The following GALNT13 variants were observed in gnomAD, a reference collection of about 807,000 sequenced individuals.
GALNT13 encodes the protein polypeptide N-acetylgalactosaminyltransferase 13, also known as UDP-GalNAc:polypeptide N-acetylgalactosaminyltransferase 13.
In GALNT13, 28 loss-of-function variants were observed where a neutral mutation model predicts 64.2. The observed-to-expected ratio is 0.44, with a 90% confidence interval of 0.32 to 0.60. GALNT13 has a LOEUF of 0.60. Ranked by LOEUF, GALNT13 falls within the 20% of genes least tolerant of loss-of-function variation. The probability of loss-of-function intolerance (pLI) is 0.05; values close to 1 mark genes in which losing one functional copy is unlikely to be tolerated. For missense variants in GALNT13, 577 were observed against 669.8 expected (o/e 0.86, Z 1.53); for synonymous variants, 214 against 224.6 (o/e 0.95, Z 0.42).
chr2:153,369,191 G>T, the GALNT13 span, among the ~76,000 whole-genome samples: 1 of 151,904 alleles, frequency 6.6e-6, no homozygotes, highest in Admixed American at 6.6e-5. Context: ...AAACAAGTAT[G>T]GAATTAAGAG....
the GALNT13 span, among the ~76,000 whole-genome samples, chr2:153,630,505 G>T: frequency 2.5e-5 from 2 of 80,756 alleles, no homozygotes; most frequent in Admixed American, 1.6e-4. Context: ...TTGTGGGGTG[G>T]GGGGAGGGGG....
At chr2:153,199,692 G>A in the GALNT13 span, among the ~76,000 whole-genome samples, 1 of 152,218 alleles carries the variant, frequency 6.6e-6, no homozygotes, top group Admixed American at 6.5e-5. Context: ...AGATACGATT[G>A]GAAGATATGT....
rs1701493964 is a variant in GALNT13 at position 154,085,852 on chromosome 2, C to A, written c.143-54485C>A. 2.6e-5 allele frequency among the ~76,000 whole-genome samples: 4 copies of A among 151,990 alleles called. No homozygotes were observed. In the South Asian group the frequency reaches 8.3e-4, roughly 32 times the overall value. ...GCCAAGGTGGGAAGATGGCTTAAGGCCAGTTTTTCAGGACCTTCTTGGACA... is the reference window on the plus strand; with the variant it reads ...GCCAAGGTGGGAAGATGGCTTAAGGACAGTTTTTCAGGACCTTCTTGGACA... On this transcript the variant is annotated intron_variant, in intron 3 of 12. Transcript: ENST00000392825.
At chr2:153,353,145 TG>T in the GALNT13 span, among the ~76,000 whole-genome samples, 1 of 152,096 alleles carries the variant, frequency 6.6e-6, no homozygotes, top group African/African-American at 2.4e-5. Context: ...ATCAATGTTT[TG>T]TGGTTTTTCT....
At chr2:153,413,447 C>A in the GALNT13 span, among the ~76,000 whole-genome samples, 1 of 152,170 alleles carries the variant, frequency 6.6e-6, no homozygotes, top group African/African-American at 2.4e-5. Context: ...CATGGAGAAG[C>A]TGTATGTTTG....
the GALNT13 span, among the ~76,000 whole-genome samples, chr2:153,207,854 T>C: frequency 2.0e-5 from 3 of 152,156 alleles, no homozygotes; most frequent in African/African-American, 7.2e-5. Context: ...AAAAACGCTG[T>C]TAAATAAGAG....
the GALNT13 span, among the ~76,000 whole-genome samples, chr2:153,566,356 T>TG: frequency 3.8e-4 from 27 of 70,858 alleles, no homozygotes; most frequent in Non-Finnish European, 7.8e-4. Context: ...ACGTTTTTTT[T>TG]TTTTTTTTTT....
At chr2:154,359,544 A>G (rs940085674) in intron 9 of GALNT13, among the ~76,000 whole-genome samples, 2 of 152,134 alleles carry the variant, frequency 1.3e-5, no homozygotes. Context: ...AACGAGGCAA[A>G]GGTGAGACTT....
chr2:153,579,641 G>A, the GALNT13 span, among the ~76,000 whole-genome samples: 16 of 152,248 alleles, frequency 1.1e-4, no homozygotes, highest in African/African-American at 3.9e-4. Context: ...CCCAACCCCT[G>A]GGCCATGGAC....
chr2:153,223,025 G>A, the GALNT13 span, among the ~76,000 whole-genome samples: 1 of 152,224 alleles, frequency 6.6e-6, no homozygotes, highest in African/African-American at 2.4e-5. Context: ...AGTGGAGTGC[G>A]CCAGCTGCGC....
At chr2:153,435,892 C>A in the GALNT13 span, among the ~76,000 whole-genome samples, 1 of 152,014 alleles carries the variant, frequency 6.6e-6, no homozygotes, top group Non-Finnish European at 1.5e-5. Flanking sequence ...GAGAGGGCAT[C>A]CCTGTCTTGT....
At chr2:153,466,289 T>A in the GALNT13 span, among the ~76,000 whole-genome samples, 7,298 of 152,160 alleles carry the variant, frequency 0.048, 268 homozygotes, top group South Asian at 0.15. Context: ...TTGTACTAAA[T>A]AAATGTAATC....
chr2:153,508,536 C>T, the GALNT13 span, among the ~76,000 whole-genome samples: 1 of 152,110 alleles, frequency 6.6e-6, no homozygotes, highest in African/African-American at 2.4e-5. Context: ...ACCCATGCAG[C>T]CCACAGTCCT....
the GALNT13 span, among the ~76,000 whole-genome samples, chr2:153,621,894 A>G: frequency 2.6e-5 from 4 of 152,230 alleles, no homozygotes; most frequent in Admixed American, 6.6e-5. Flanking sequence ...TTGATTTTGG[A>G]TAGTAATACA....
rs1686661294 is a variant in GALNT13, at chr2:154,192,672, ATTTG to A, written c.312-49350_312-49347del. ...TCCATTTTTATAGATGTTTCTGGTA[ATTTG>A]TTTGTTTTAGTCACATACATGAAAT... is the stretch of plus-strand genomic sequence containing the variant. On this transcript the variant is annotated intron_variant, in intron 4 of 12. Coordinates refer to ENST00000392825, the MANE Select transcript of GALNT13 (RefSeq NM_052917.4). Among the ~76,000 whole-genome samples, 3 of 152,204 alleles carry A rather than the reference ATTTG, an allele frequency of 2.0e-5. No homozygotes were observed. The South Asian group carries it at 6.2e-4, about 32-fold the overall frequency.
the GALNT13 span, among the ~76,000 whole-genome samples, chr2:153,575,046 G>A: frequency 6.6e-6 from 1 of 152,116 alleles, no homozygotes; most frequent in African/African-American, 2.4e-5. Context: ...GGACTTGAGT[G>A]TTGTGAACTA....
At chr2:153,601,084 G>A in the GALNT13 span, among the ~76,000 whole-genome samples, 1 of 151,732 alleles carries the variant, frequency 6.6e-6, no homozygotes, top group Non-Finnish European at 1.5e-5. Flanking sequence ...AAAGATGGTG[G>A]TGGTTAAAGA....
At chr2:153,970,617 G>A (rs1252284759) in intron 3 of GALNT13, among the ~76,000 whole-genome samples, 1 of 151,766 alleles carries the variant, frequency 6.6e-6, no homozygotes, top group Non-Finnish European at 1.5e-5. Flanking sequence ...TTAGACATTT[G>A]TGACCAAGGC....
At chr2:153,185,576 T>C in the GALNT13 span, among the ~76,000 whole-genome samples, 1 of 152,338 alleles carries the variant, frequency 6.6e-6, no homozygotes, top group South Asian at 2.1e-4. Flanking sequence ...TCTTTCTAGC[T>C]TTTTGATGTG....
Sources: gnomAD v4.1 joint callset for allele counts (sites outside exome capture counted in the v4.1 genomes callset) on GRCh38, gnomAD v4.1.1 for gene constraint, MANE v1.5 for transcripts, NCBI Gene and HGNC (gene_info 2026-07-23, HGNC 2026-07-21) for gene names.